Variants in SOS1 observed in about 807,000 individuals in gnomAD.
SOS1 encodes the protein son of sevenless homolog 1.
In SOS1, 25 loss-of-function variants were observed where a neutral mutation model predicts 157.6. That is an observed-to-expected ratio of 0.16 (90% CI 0.12 to 0.22). The LOEUF is 0.22. Among genes scored for constraint, SOS1 ranks in the 10% least tolerant of loss-of-function variants. The pLI is 1.00. For missense variants in SOS1, 1,237 were observed against 1,599.1 expected (o/e 0.77, Z 3.86); for synonymous variants, 528 against 534.0 (o/e 0.99, Z 0.16).
chr2:39,067,943 A>G (rs1031889445), intron 1 of SOS1, among the ~76,000 whole-genome samples, 190 bp from the exon 2 acceptor site: 7 of 152,052 alleles, frequency 4.6e-5, no homozygotes, highest in Non-Finnish European at 5.9e-5. Flanking sequence ...ACATGGTGAA[A>G]CCCTGTCTCC....
intron 1 of SOS1, among the ~76,000 whole-genome samples, chr2:39,080,282 T>A (rs1672158400): frequency 6.6e-6 from 1 of 152,042 alleles, no homozygotes; most frequent in Admixed American, 6.6e-5. Flanking sequence ...AACAGGCTCC[T>A]GAGAATCTGA....
intron 10 of SOS1, among the ~76,000 whole-genome samples, chr2:39,017,408 C>A (rs1669664878): frequency 1.3e-5 from 2 of 152,018 alleles, no homozygotes; most frequent in African/African-American, 4.8e-5. Context: ...AATTAGCAGT[C>A]TAATTGTGAT....
At chr2:39,094,799 G>A (rs760814194) in intron 1 of SOS1, among the ~76,000 whole-genome samples, 1 of 152,120 alleles carries the variant, frequency 6.6e-6, no homozygotes, top group South Asian at 2.1e-4. Context: ...TCTTTGTTTG[G>A]TTAACTATGA....
At chr2:39,044,559 A>T (rs1444546691) in intron 6 of SOS1, among the ~76,000 whole-genome samples, 1 of 152,168 alleles carries the variant, frequency 6.6e-6, no homozygotes, top group Non-Finnish European at 1.5e-5. Context: ...TCCTCAAGGC[A>T]ACAGTATTAA....
At chr2:39,051,407 T>C in intron 5 of SOS1, 120 bp from the exon 6 acceptor site, 1 of 838,430 alleles carries the variant, frequency 1.2e-6, no homozygotes, top group East Asian at 2.5e-5. Flanking sequence ...AGTGAAAAAT[T>C]TTAATGACTT....
chr2:39,068,746 C>G (rs1262584216), intron 1 of SOS1, among the ~76,000 whole-genome samples: 1 of 151,888 alleles, frequency 6.6e-6, no homozygotes, highest in African/African-American at 2.4e-5. Flanking sequence ...TGGAAAGAAG[C>G]CTTGACCATT....
chr2:39,099,103 T>C (rs959913118), intron 1 of SOS1, among the ~76,000 whole-genome samples: 5 of 152,054 alleles, frequency 3.3e-5, no homozygotes, highest in African/African-American at 1.2e-4. Context: ...AAAAGACAAG[T>C]GTTGGTGAAA....
At chr2:39,110,260 T>G (rs922121828) in intron 1 of SOS1, among the ~76,000 whole-genome samples, 2 of 152,138 alleles carry the variant, frequency 1.3e-5, no homozygotes, top group African/African-American at 4.8e-5. Flanking sequence ...TAATAATAAC[T>G]AATACTATGT....
At chr2:39,029,288 C>T (rs1354701751) in intron 8 of SOS1, among the ~76,000 whole-genome samples, 5 of 152,136 alleles carry the variant, frequency 3.3e-5, no homozygotes, top group Non-Finnish European at 7.4e-5. Flanking sequence ...TCAGAGAAAA[C>T]ATCACTAACT....
chr2:39,039,298 C>T (rs1049911623), intron 6 of SOS1, among the ~76,000 whole-genome samples: 8 of 152,130 alleles, frequency 5.3e-5, no homozygotes, highest in Admixed American at 6.5e-5. Context: ...TGAGGTATGC[C>T]TGTATAACTT....
intron 20 of SOS1, among the ~76,000 whole-genome samples, chr2:38,994,902 C>T (rs1289015737): frequency 1.3e-5 from 2 of 152,070 alleles, no homozygotes; most frequent in South Asian, 2.1e-4. Context: ...CTTTCATTAA[C>T]GTATAATAAA....
intron 1 of SOS1, among the ~76,000 whole-genome samples, chr2:39,114,223 G>C (rs1673555798): frequency 6.6e-6 from 1 of 151,920 alleles, no homozygotes; most frequent in African/African-American, 2.4e-5. Flanking sequence ...AGCCTCCTGA[G>C]TAGCCAGGAC....
At chr2:39,060,449 CAG>C (rs1205087555) in intron 2 of SOS1, among the ~76,000 whole-genome samples, 1 of 152,200 alleles carries the variant, frequency 6.6e-6, no homozygotes, top group Non-Finnish European at 1.5e-5. Context: ...TATTCTGAGA[CAG>C]AGTCTTGCTC....
intron 10 of SOS1, among the ~76,000 whole-genome samples, chr2:39,022,081 T>C (rs915838498): frequency 1.3e-5 from 2 of 151,822 alleles, no homozygotes; most frequent in Admixed American, 6.6e-5. Flanking sequence ...ACTGGAATCC[T>C]TGGCTTCCAG....
chr2:38,989,717 TAA>T, intron 20 of SOS1, among the ~76,000 whole-genome samples: 1 of 152,110 alleles, frequency 6.6e-6, no homozygotes, highest in Admixed American at 6.5e-5. Context: ...AGTTGAAAAA[TAA>T]AAAAGTTACT....
At chr2:39,100,996 T>A (rs1195305203) in intron 1 of SOS1, among the ~76,000 whole-genome samples, 4 of 152,188 alleles carry the variant, frequency 2.6e-5, no homozygotes, top group African/African-American at 9.7e-5. Context: ...TTTAGTCTAT[T>A]TGCATTGCTA....
chr2:39,104,812 C>A (rs1269391809), intron 1 of SOS1, among the ~76,000 whole-genome samples: 4 of 152,066 alleles, frequency 2.6e-5, no homozygotes, highest in Admixed American at 2.0e-4. Context: ...TAGTCAGACA[C>A]AAAAATACAA....
chr2:39,117,683 A>C (rs1673705215), intron 1 of SOS1, among the ~76,000 whole-genome samples: 2 of 152,204 alleles, frequency 1.3e-5, no homozygotes, highest in African/African-American at 4.8e-5. Flanking sequence ...TGAAAAACAG[A>C]AGGTGAGGTG....
intron 6 of SOS1, among the ~76,000 whole-genome samples, chr2:39,047,953 C>G (rs1670849555): frequency 6.6e-6 from 1 of 152,206 alleles, no homozygotes; most frequent in Admixed American, 6.5e-5. Context: ...CAGGCATGAG[C>G]TACCGTGCCC....
Sources: gnomAD v4.1 joint callset for allele counts (sites outside exome capture counted in the v4.1 genomes callset) on GRCh38, gnomAD v4.1.1 for gene constraint, MANE v1.5 for transcripts, NCBI Gene and HGNC (gene_info 2026-07-23, HGNC 2026-07-21) for gene names.